The following MINDY2 variants were observed in gnomAD, a reference collection of about 807,000 sequenced individuals.
MINDY2 encodes ubiquitin carboxyl-terminal hydrolase MINDY-2.
A neutral mutation model predicts 68.2 loss-of-function variants in MINDY2; 52 were observed. The ratio of observed to expected loss-of-function variants is 0.76; its 90% CI spans 0.61 to 0.96. The LOEUF (loss-of-function observed/expected upper bound fraction) is 0.96. MINDY2 is among the 40% of genes least tolerant of loss of function. The probability of loss-of-function intolerance (pLI) is 0.00; values close to 1 mark genes in which losing one functional copy is unlikely to be tolerated. For synonymous variants in MINDY2, 372 were observed against 303.0 expected (o/e 1.23, Z -2.36); for missense variants, 881 against 773.4 (o/e 1.14, Z -1.65).
At position 58,775,920 on chromosome 15, in the gene MINDY2, TG is replaced by T. The variant is rs1450086728; in HGVS notation, c.840+3687del. On this transcript the variant is annotated intron_variant, in intron 1 of 8. Coordinates refer to ENST00000559228, the MANE Select transcript of MINDY2 (RefSeq NM_001040450.3). ...CTGTCTTGCCCAGGCTAGAGTGCAG[TG>T]GCAGGATCTTGGCTCACTGCAGCCT... Among the ~76,000 whole-genome samples, 79 of 150,320 alleles carry T rather than the reference TG, an allele frequency of 5.3e-4. 1 individual carries two copies. Among genetic ancestry groups the T allele is most frequent in the Middle Eastern group, 3.5e-3 (1 of 288 alleles).
chr15:58,830,590 A>G (rs1187874195), intron 5 of MINDY2, among the ~76,000 whole-genome samples: 1 of 152,192 alleles, frequency 6.6e-6, no homozygotes, highest in Non-Finnish European at 1.5e-5. Flanking sequence ...CTCAACCTGT[A>G]TAACTCATGC....
intron 2 of MINDY2, among the ~76,000 whole-genome samples, chr15:58,791,687 G>T (rs1901951455): frequency 6.7e-6 from 1 of 149,246 alleles, no homozygotes; most frequent in South Asian, 2.1e-4. Context: ...ATGTGACCAA[G>T]GAACTGAATT....
rs1350039849 is a variant in MINDY2, at chr15:58,802,499, A to G, written c.963+122A>G. ...GATAGTAAACACTTTAGACTTTGCA[A>G]GCCACATGTGGTCAGTCTCTATTAC... On this transcript the variant is annotated intron_variant, in intron 3 of 8. Transcript: ENST00000559228. The G allele has an allele frequency of 2.2e-5, 12 of 557,480 alleles. No individual in the cohort carries two copies. In the Admixed American group the frequency reaches 3.0e-4, roughly 14 times the overall value. The allele number at this position is 557,480 out of a possible 1,614,324, so 34.5% of individuals were successfully genotyped here. A position where few individuals can be genotyped will look rare whatever the true frequency, so the allele number is the denominator to read the frequency against.
In MINDY2 at chr15:58,782,559, A is replaced by G. The variant is rs1222435786; in HGVS notation, c.841-5347A>G. 2.0e-5 allele frequency among the ~76,000 whole-genome samples: 3 copies of G among 152,300 alleles called. No homozygotes were observed. The East Asian group carries it at 5.8e-4, about 29-fold the overall frequency. On this transcript the variant is annotated intron_variant, in intron 1 of 8. Transcript: ENST00000559228. Reference sequence around the variant, plus strand: ...CAGAGTTTCCTGAGCCTTAGAGTCAACTTTTATTATTCTTTCCTCATCGTG... The same window carrying G: ...CAGAGTTTCCTGAGCCTTAGAGTCAGCTTTTATTATTCTTTCCTCATCGTG...
At position 58,851,974 on chromosome 15, in the gene MINDY2, T is replaced by C. The variant is rs775161605; in HGVS notation, c.1737+9T>C. ...CTTCTACACAGGCTCAGGTAAAAAC[T>C]AGTGTTTTGAGTCTTAAATGTGATG... On this transcript the variant is annotated intron_variant, in intron 8 of 8. Coordinates refer to ENST00000559228, the MANE Select transcript of MINDY2 (RefSeq NM_001040450.3). 1 of 1,568,990 alleles carries C rather than the reference T, an allele frequency of 6.4e-7. No homozygotes were observed. The highest frequency in any genetic ancestry group is 8.6e-7 in the Non-Finnish European group (1 of 1,164,314).
intron 6 of MINDY2, among the ~76,000 whole-genome samples, chr15:58,842,413 T>C (rs1443417633): frequency 3.3e-5 from 5 of 152,208 alleles, no homozygotes; most frequent in African/African-American, 1.2e-4. Flanking sequence ...GAAATAAATT[T>C]GTTTATTCTA....
At chr15:58,836,161 C>T (rs1357950342) in intron 6 of MINDY2, among the ~76,000 whole-genome samples, 12 of 152,044 alleles carry the variant, frequency 7.9e-5, no homozygotes, top group Non-Finnish European at 1.5e-4. Flanking sequence ...CTGCCTGCCT[C>T]GGCCTCCCAA....
chr15:58,836,859 G>A (rs959482267), intron 6 of MINDY2, among the ~76,000 whole-genome samples: 1 of 152,088 alleles, frequency 6.6e-6, no homozygotes, highest in Non-Finnish European at 1.5e-5. Flanking sequence ...GGCTCAAGCA[G>A]TCTGCCCAAC....
intron 8 of MINDY2, among the ~76,000 whole-genome samples, chr15:58,854,022 ATCACAAAG>A (rs2032959995): frequency 6.6e-6 from 1 of 151,620 alleles, no homozygotes. Flanking sequence ...AGGTGGGCGG[ATCACAAAG>A]TCAGGAGTGT....
Position 58,843,685 on chromosome 15 carries a change from T to C in MINDY2, c.1369-3612T>C, listed in dbSNP as rs1408642751. Among the ~76,000 whole-genome samples the C allele has an allele frequency of 2.0e-5, 3 of 151,948 alleles. No homozygotes were observed. The East Asian group carries it at 5.8e-4, about 29-fold the overall frequency. On this transcript the variant is annotated intron_variant, in intron 6 of 8. Coordinates refer to ENST00000559228, the MANE Select transcript of MINDY2 (RefSeq NM_001040450.3). ...CCCCTCGCTACTAAAAATACAAAAA[T>C]TAGCCGGGCGTGGTGGTGGGCACCT...
In MINDY2 at chr15:58,810,818, G is replaced by A. The variant is rs115139464; in HGVS notation, c.1122+430G>A. On this transcript the variant is annotated intron_variant, in intron 4 of 8. Transcript: ENST00000559228. ...GACACATACGGCAGAATCTAGGAGG[G>A]TTCCAACTGTGAAGCTTCCCCTGGA... Among the ~76,000 whole-genome samples the A allele has an allele frequency of 9.5e-3, 1,448 of 152,284 alleles. 19 individuals carry two copies. The highest frequency in any genetic ancestry group is 0.033 in the African/African-American group (1,376 of 41,554).
chr15:58,852,972 A>ATTTTTTTTTTTTTTTTTTTTTTTTTTT lies in MINDY2; in HGVS notation c.1737+1007_1737+1008insTTTTTTTTTTTTTTTTTTTTTTTTTTT, dbSNP rs1567079858. Among the ~76,000 whole-genome samples, 3 of 17,240 alleles carry ATTTTTTTTTTTTTTTTTTTTTTTTTTT rather than the reference A, an allele frequency of 1.7e-4. 1 individual carries two copies. Among genetic ancestry groups the ATTTTTTTTTTTTTTTTTTTTTTTTTTT allele is most frequent in the East Asian group, 1.0e-3 (1 of 980 alleles). 11.3% of individuals were successfully genotyped at this position (17,240 alleles called of 152,430 possible). A position where few individuals can be genotyped will look rare whatever the true frequency, so the allele number is the denominator to read the frequency against. ...TTTTTTTTTTTTTTTTTTTTTTTTA[A>ATTTTTTTTTTTTTTTTTTTTTTTTTTT]GACAGAGTCTCACTCTGTTGCCCAG... On this transcript the variant is annotated intron_variant, in intron 8 of 8. Transcript: ENST00000559228.
chr15:58,801,554 C>T (rs1234056872), intron 2 of MINDY2, among the ~76,000 whole-genome samples: 1 of 151,822 alleles, frequency 6.6e-6, no homozygotes, highest in African/African-American at 2.4e-5. Flanking sequence ...TAAAAGTTGC[C>T]ACATATACCA....
At chr15:58,813,389 G>A (rs2030438191) in intron 4 of MINDY2, among the ~76,000 whole-genome samples, 1 of 152,118 alleles carries the variant, frequency 6.6e-6, no homozygotes, top group Admixed American at 6.6e-5. Flanking sequence ...CAGCTACTTG[G>A]GGAGGCTGAG....
At chr15:58,834,737 G>A (rs549817494) in intron 6 of MINDY2, among the ~76,000 whole-genome samples, 6 of 152,156 alleles carry the variant, frequency 3.9e-5, no homozygotes, top group South Asian at 2.1e-4. Flanking sequence ...TATTAAAGTC[G>A]TGAATTACAT....
chr15:58,772,116 T>A lies in MINDY2; in HGVS notation c.721T>A (p.Ser241Thr). 6.2e-7 allele frequency: 1 copy of A among 1,613,932 alleles called. No homozygotes were observed. Among genetic ancestry groups the A allele is most frequent in the South Asian group, 1.1e-5 (1 of 91,066 alleles). ...AASKERFPGQ[S>T]VYHIKWIQWK... ...CTCCAAGGAACGCTTCCCGGGACAA[T>A]CTGTGTATCACATCAAGTGGATCCA... The change falls in exon 1 of 9, where the codon TCT (serine) becomes ACT (threonine). Residue 241 changes from serine to threonine, a missense_variant. By Grantham distance (58) the Ser-to-Thr change is moderately conservative. Coordinates refer to ENST00000559228, the MANE Select transcript of MINDY2 (RefSeq NM_001040450.3).
chr15:58,844,304 T>C (rs1305288560), intron 6 of MINDY2, among the ~76,000 whole-genome samples: 1 of 152,064 alleles, frequency 6.6e-6, no homozygotes, highest in African/African-American at 2.4e-5. Context: ...TCCCAGCACT[T>C]TGGGAGGCCG....
chr15:58,842,250 T>C (rs1409057398), intron 6 of MINDY2, among the ~76,000 whole-genome samples: 3 of 152,104 alleles, frequency 2.0e-5, no homozygotes, highest in Non-Finnish European at 4.4e-5. Context: ...TGAGGTTGGT[T>C]GTTTTGTTGT....
intron 6 of MINDY2, among the ~76,000 whole-genome samples, chr15:58,832,577 T>TG (rs1490957473): frequency 6.7e-6 from 1 of 150,204 alleles, no homozygotes; most frequent in Non-Finnish European, 1.5e-5. Context: ...TTGCCCAGGC[T>TG]GGAGTACAAT....
Sources: gnomAD v4.1 joint callset for allele counts (sites outside exome capture counted in the v4.1 genomes callset) on GRCh38, gnomAD v4.1.1 for gene constraint, MANE v1.5 for transcripts, NCBI Gene and HGNC (gene_info 2026-07-23, HGNC 2026-07-21) for gene names.